ATE1: variants seen among roughly 807,000 people sequenced by gnomAD.
ATE1 encodes the protein arginyl-tRNA--protein transferase 1.
ATE1 carries 36 observed loss-of-function variants against 70.5 expected under a neutral mutation model. The observed-to-expected ratio is 0.51, with a 90% CI of 0.39 to 0.67. The LOEUF is 0.67. ATE1 is among the 30% of genes least tolerant of loss of function. The pLI, the probability that ATE1 is intolerant of heterozygous loss-of-function variation, is 0.00. For synonymous variants in ATE1, 232 were observed against 219.3 expected, an observed-to-expected ratio of 1.06 and a Z score of -0.51; for missense variants, 593 against 629.5, an observed-to-expected ratio of 0.94 and a Z score of 0.62.
At chr10:121,880,460 G>T in intron 7 of ATE1, among the ~76,000 whole-genome samples, 1 of 151,822 alleles carries the variant, frequency 6.6e-6, no homozygotes, top group East Asian at 1.9e-4. Flanking sequence ...TGCTTGAATA[G>T]AAGAATCACA....
chr10:121,743,372 G>A lies in ATE1; in HGVS notation c.*308C>T, dbSNP rs1944209431. 1 of 269,620 alleles carries A rather than the reference G, an allele frequency of 3.7e-6. No individual in the cohort carries two copies. The highest frequency in any genetic ancestry group is 6.2e-6 in the Non-Finnish European group (1 of 161,832). 16.7% of individuals were successfully genotyped at this position (269,620 alleles called of 1,614,324 possible). On this transcript the variant is annotated 3_prime_UTR_variant, in exon 12 of 12. Transcript: ENST00000224652. ...TGCACAACTGTGATTAAGTTACTTA[G>A]ATTCACTTCTTCATTTTACAAAATA...
At chr10:121,811,187 C>T (rs888890653) in intron 10 of ATE1, among the ~76,000 whole-genome samples, 2 of 151,944 alleles carry the variant, frequency 1.3e-5, no homozygotes, top group African/African-American at 4.8e-5. Flanking sequence ...TTAAAGTATT[C>T]TGGAGTAAAG....
intron 11 of ATE1, among the ~76,000 whole-genome samples, chr10:121,775,079 C>T (rs2135910045): frequency 6.6e-6 from 1 of 152,236 alleles, no homozygotes; most frequent in East Asian, 1.9e-4. Context: ...TTATTTTAAA[C>T]ATACGGTACA....
intron 7 of ATE1, among the ~76,000 whole-genome samples, chr10:121,887,716 T>A (rs1230677009): frequency 6.6e-6 from 1 of 151,424 alleles, no homozygotes; most frequent in Non-Finnish European, 1.5e-5. Flanking sequence ...CAAAAAACGA[T>A]AAGAAGAAAA....
chr10:121,817,354 C>G (rs1165660935), intron 10 of ATE1, among the ~76,000 whole-genome samples: 1 of 152,168 alleles, frequency 6.6e-6, no homozygotes, highest in Admixed American at 6.5e-5. Flanking sequence ...CGGTGAAACC[C>G]CGTCTCTACT....
chr10:121,816,018 T>C (rs1029637301), intron 10 of ATE1, among the ~76,000 whole-genome samples: 1 of 152,200 alleles, frequency 6.6e-6, no homozygotes, highest in Non-Finnish European at 1.5e-5. Flanking sequence ...CTATAGAGAA[T>C]AGCTATTTTA....
chr10:121,849,843 AC>A (rs1186866120), intron 8 of ATE1, among the ~76,000 whole-genome samples: 1 of 151,748 alleles, frequency 6.6e-6, no homozygotes, highest in East Asian at 1.9e-4. Context: ...CAGATCACTC[AC>A]GCCTAGCTAA....
At chr10:121,899,750 T>C (rs1365002624) in intron 7 of ATE1, 116 bp downstream of exon 7, 21 of 1,427,620 alleles carry the variant, frequency 1.5e-5, no homozygotes, top group Non-Finnish European at 2.0e-5. Context: ...TTTGCAGATA[T>C]GCTGCAAATT....
chr10:121,928,307 G>T (rs774461472), upstream of ATE1: 2 of 1,508,818 alleles, frequency 1.3e-6, no homozygotes, highest in South Asian at 1.3e-5. Context: ...CCTGTGCGGG[G>T]CGCGGCGGCC....
chr10:121,755,904 A>G (rs1195628743), intron 11 of ATE1, among the ~76,000 whole-genome samples: 1 of 152,048 alleles, frequency 6.6e-6, no homozygotes, highest in Non-Finnish European at 1.5e-5. Context: ...CTTCTCCCAA[A>G]TCTCGTATCT....
Position 121,922,050 on chromosome 10 carries a change from G to A in ATE1, c.233+299C>T, listed in dbSNP as rs78964252. 7.9e-3 allele frequency among the ~76,000 whole-genome samples: 1,200 copies of A among 152,244 alleles called. 18 individuals carry two copies. Among genetic ancestry groups the A allele is most frequent in the African/African-American group, 0.028 (1,160 of 41,538 alleles). On this transcript the variant is annotated intron_variant, in intron 3 of 11. Coordinates refer to ENST00000224652, the MANE Select transcript of ATE1 (RefSeq NM_001001976.3). The stretch of plus-strand genomic sequence containing the variant: ...ATAATATTTAATATCCAAAAGTAAT[G>A]TGAATATTTACCAACATTTTCCCAA...
chr10:121,744,420 A>C (rs540193356), intron 11 of ATE1, among the ~76,000 whole-genome samples: 1 of 152,244 alleles, frequency 6.6e-6, no homozygotes, highest in South Asian at 2.1e-4. Context: ...AAGCAGAGAC[A>C]AAATGTGTCT....
intron 11 of ATE1, among the ~76,000 whole-genome samples, chr10:121,768,813 C>G (rs1057103792): frequency 6.6e-6 from 1 of 151,984 alleles, no homozygotes; most frequent in Non-Finnish European, 1.5e-5. Context: ...TCTGTGATTC[C>G]TAAATAAATG....
intron 7 of ATE1, among the ~76,000 whole-genome samples, chr10:121,874,540 A>C (rs1304320069): frequency 8.0e-5 from 12 of 150,556 alleles, no homozygotes; most frequent in African/African-American, 2.8e-4. Context: ...AGAAGATCTT[A>C]TTTAACCTAT....
chr10:121,912,280 A>C (rs1019528613), intron 4 of ATE1, among the ~76,000 whole-genome samples: 1 of 152,168 alleles, frequency 6.6e-6, no homozygotes, highest in African/African-American at 2.4e-5. Context: ...TAATGAGTAC[A>C]TCACTCCTAG....
At chr10:121,817,240 G>A (rs1487099017) in intron 10 of ATE1, among the ~76,000 whole-genome samples, 5 of 152,158 alleles carry the variant, frequency 3.3e-5, no homozygotes, top group Admixed American at 6.5e-5. Context: ...AGAGATTGCT[G>A]CTTAAAAACA....
intron 8 of ATE1, among the ~76,000 whole-genome samples, chr10:121,851,486 G>A (rs561681067): frequency 6.5e-4 from 99 of 152,260 alleles, no homozygotes; most frequent in South Asian, 3.7e-3. Flanking sequence ...TCATACTACC[G>A]GTCAGTCTCA....
At chr10:121,875,087 C>T (rs557280450) in intron 7 of ATE1, among the ~76,000 whole-genome samples, 64 of 140,836 alleles carry the variant, frequency 4.5e-4, no homozygotes, top group African/African-American at 1.7e-3. Context: ...TGCAGTGAGT[C>T]GAGACCGCAC....
intron 10 of ATE1, among the ~76,000 whole-genome samples, chr10:121,793,627 C>A (rs1231055794): frequency 3.9e-5 from 6 of 152,122 alleles, no homozygotes; most frequent in African/African-American, 1.4e-4. Context: ...GAGGAATTTG[C>A]ATTTTTCTTT....
Sources: allele counts gnomAD v4.1 joint callset (sites outside exome capture counted in the v4.1 genomes callset), GRCh38; gene constraint gnomAD v4.1.1; transcripts MANE v1.5; gene names NCBI Gene and HGNC (gene_info 2026-07-23, HGNC 2026-07-21).